DOK6: variants seen among roughly 807,000 people sequenced by gnomAD.
The protein encoded by DOK6 is downstream of tyrosine kinase 6.
A neutral mutation model predicts 44.0 loss-of-function variants in DOK6; 22 were observed. The observed-to-expected ratio is 0.50, with a 90% CI of 0.36 to 0.71. The LOEUF (loss-of-function observed/expected upper bound fraction) is 0.71. Ranked by LOEUF, DOK6 falls within the 30% of genes least tolerant of loss-of-function variation. The pLI is 0.00. For synonymous variants in DOK6, 166 were observed against 145.5 expected, an observed-to-expected ratio of 1.14 and a Z score of -1.01; for missense variants, 340 against 416.4, an observed-to-expected ratio of 0.82 and a Z score of 1.60.
chr18:69,495,695 G>A (rs369805181), intron 1 of DOK6, among the ~76,000 whole-genome samples: 11 of 152,148 alleles, frequency 7.2e-5, no homozygotes, highest in African/African-American at 2.2e-4. Flanking sequence ...TGGACATCCC[G>A]TTCTGCCCAG....
At chr18:69,511,000 A>G (rs1454450527) in intron 1 of DOK6, among the ~76,000 whole-genome samples, 1 of 152,200 alleles carries the variant, frequency 6.6e-6, no homozygotes, top group African/African-American at 2.4e-5. Context: ...ACACTGTCTT[A>G]TTTATAAGAA....
intron 5 of DOK6, among the ~76,000 whole-genome samples, chr18:69,700,216 C>CATATATTATATATATAT (rs1986484439): frequency 8.0e-6 from 1 of 124,762 alleles, no homozygotes. Flanking sequence ...CATATATATA[C>CATATATTATATATATAT]ATATATATAT....
chr18:69,495,822 A>T (rs368313287), intron 1 of DOK6, among the ~76,000 whole-genome samples: 10 of 152,288 alleles, frequency 6.6e-5, no homozygotes, highest in African/African-American at 2.4e-4. Context: ...TATGCTCATC[A>T]GCACCCAAAG....
intron 3 of DOK6, among the ~76,000 whole-genome samples, chr18:69,618,038 G>A (rs1984353121): frequency 6.6e-6 from 1 of 152,202 alleles, no homozygotes; most frequent in Non-Finnish European, 1.5e-5. Context: ...GACATGGAAA[G>A]AAGAGAGCCA....
At chr18:69,501,830 G>T (rs887522274) in intron 1 of DOK6, among the ~76,000 whole-genome samples, 4 of 151,844 alleles carry the variant, frequency 2.6e-5, no homozygotes, top group Admixed American at 6.6e-5. Flanking sequence ...CTTTATAAAG[G>T]TTAGAATATT....
intron 2 of DOK6, among the ~76,000 whole-genome samples, chr18:69,598,548 T>C (rs1393389184): frequency 6.6e-6 from 1 of 152,094 alleles, no homozygotes; most frequent in Non-Finnish European, 1.5e-5. Context: ...AAATAAGAAA[T>C]CTTATAAATT....
intron 7 of DOK6, among the ~76,000 whole-genome samples, chr18:69,796,305 G>A (rs1178829457): frequency 1.3e-5 from 2 of 152,144 alleles, no homozygotes. Flanking sequence ...TCCACATAAT[G>A]AGAAACTGTT....
rs1400522927 is a variant in DOK6 at position 69,625,975 on chromosome 18, T to C, written c.289+26477T>C. ...GATAGAAAAAATATGGTCTGATCCC[T>C]ATATTTCTGGACAAAGTAAAGATGA... is the stretch of plus-strand genomic sequence containing the variant. On this transcript the variant is annotated intron_variant, in intron 3 of 7. Coordinates refer to ENST00000382713, the MANE Select transcript of DOK6 (RefSeq NM_152721.6). Among the ~76,000 whole-genome samples, 3 of 152,220 alleles carry C rather than the reference T, an allele frequency of 2.0e-5. No individual in the cohort carries two copies. The East Asian group carries it at 5.8e-4, about 29-fold the overall frequency.
intron 5 of DOK6, among the ~76,000 whole-genome samples, chr18:69,714,815 G>A (rs1037546256): frequency 3.3e-5 from 5 of 152,104 alleles, no homozygotes; most frequent in Non-Finnish European, 7.4e-5. Flanking sequence ...AATGTGATGA[G>A]TGTATTTATA....
At chr18:69,785,614 G>T (rs1333610261) in intron 7 of DOK6, among the ~76,000 whole-genome samples, 1 of 151,976 alleles carries the variant, frequency 6.6e-6, no homozygotes, top group Non-Finnish European at 1.5e-5. Context: ...TTAGTTCATG[G>T]GTATGCAGAT....
intron 4 of DOK6, among the ~76,000 whole-genome samples, chr18:69,688,874 A>T (rs1986208099): frequency 6.6e-6 from 1 of 152,194 alleles, no homozygotes; most frequent in Non-Finnish European, 1.5e-5. Flanking sequence ...GAATGACTGG[A>T]TATCTGTGTG....
chr18:69,704,199 A>G (rs966064025), intron 5 of DOK6, among the ~76,000 whole-genome samples: 5 of 152,200 alleles, frequency 3.3e-5, no homozygotes, highest in Non-Finnish European at 5.9e-5. Flanking sequence ...ATTTCTATTA[A>G]TAGCCCACCA....
chr18:69,654,935 G>A (rs1272599790), intron 3 of DOK6, among the ~76,000 whole-genome samples: 1 of 152,138 alleles, frequency 6.6e-6, no homozygotes, highest in South Asian at 2.1e-4. Flanking sequence ...GTGTGCACCT[G>A]TAGTCTCAGC....
intron 2 of DOK6, among the ~76,000 whole-genome samples, chr18:69,568,066 A>G (rs779364331): frequency 1.3e-5 from 2 of 152,092 alleles, no homozygotes; most frequent in African/African-American, 2.4e-5. Flanking sequence ...GCTCTCCCTT[A>G]CAGAGTCAGC....
At chr18:69,823,731 C>T (rs1028286685) in intron 7 of DOK6, among the ~76,000 whole-genome samples, 7 of 151,570 alleles carry the variant, frequency 4.6e-5, no homozygotes, top group Non-Finnish European at 1.5e-5. Context: ...CTTCCTGGTG[C>T]CTTCCTTCTA....
intron 1 of DOK6, among the ~76,000 whole-genome samples, chr18:69,551,809 G>A (rs1982572618): frequency 1.3e-5 from 2 of 152,124 alleles, no homozygotes; most frequent in South Asian, 4.1e-4. Flanking sequence ...TATGTGTATT[G>A]TTTTTAATGT....
rs17081078 is a variant in DOK6, at chr18:69,492,091, G to A, written c.67-72396G>A. Among the ~76,000 whole-genome samples, 2,018 of 152,268 alleles carry A rather than the reference G, an allele frequency of 0.013. 165 individuals carry two copies. In the East Asian group the frequency reaches 0.25, roughly 19 times the overall value. On this transcript the variant is annotated intron_variant, in intron 1 of 7. Coordinates refer to ENST00000382713, the MANE Select transcript of DOK6 (RefSeq NM_152721.6). ...AGATAGAAAACTGAAGAAATGAGTA[G>A]TGTGAATCGACAATTCTAATTGTTA...
intron 1 of DOK6, among the ~76,000 whole-genome samples, chr18:69,503,545 T>G (rs188196045): frequency 1.3e-5 from 2 of 152,084 alleles, no homozygotes; most frequent in Non-Finnish European, 2.9e-5. Flanking sequence ...CATTGTAAGA[T>G]TAAAGAAGGC....
intron 1 of DOK6, among the ~76,000 whole-genome samples, chr18:69,411,969 T>C (rs1265448674): frequency 6.6e-6 from 1 of 152,212 alleles, no homozygotes; most frequent in Non-Finnish European, 1.5e-5. Context: ...GCAAATAACC[T>C]ACTGTTAAAA....
Sources: gnomAD v4.1 joint callset for allele counts (sites outside exome capture counted in the v4.1 genomes callset) on GRCh38, gnomAD v4.1.1 for gene constraint, MANE v1.5 for transcripts, NCBI Gene and HGNC (gene_info 2026-07-23, HGNC 2026-07-21) for gene names.